The following CLEC2L variants were observed in gnomAD, a reference collection of about 807,000 sequenced individuals.
CLEC2L encodes C-type lectin domain family 2, member L.
A neutral mutation model predicts 23.6 loss-of-function variants in CLEC2L; 14 were observed. The observed-to-expected ratio is 0.59, with a 90% CI of 0.39 to 0.93. CLEC2L has a LOEUF of 0.93. Ranked by LOEUF, CLEC2L falls within the 40% of genes least tolerant of loss-of-function variation. CLEC2L has a pLI of 0.00. For synonymous variants in CLEC2L, 114 were observed against 121.3 expected (o/e 0.94, Z 0.40); for missense variants, 264 against 282.4 (o/e 0.93, Z 0.47).
At chr7:139,530,813 CAA>C (rs34317849) in intron 1 of CLEC2L, among the ~76,000 whole-genome samples, 5,487 of 80,754 alleles carry the variant, frequency 0.068, 98 homozygotes, top group South Asian at 0.13. Flanking sequence ...ACTCTTGTCT[CAA>C]AAAAAAAAAA....
chr7:139,531,870 A>G (rs1202333137), intron 1 of CLEC2L, among the ~76,000 whole-genome samples: 1 of 151,962 alleles, frequency 6.6e-6, no homozygotes, highest in Non-Finnish European at 1.5e-5. Flanking sequence ...AGATCATGCC[A>G]TGGCACTCCA....
rs1797721184 is a variant in CLEC2L at position 139,540,615 on chromosome 7, G to A, written c.432+128G>A. On this transcript the variant is annotated intron_variant, in intron 3 of 4. Coordinates refer to ENST00000422142, the MANE Select transcript of CLEC2L (RefSeq NM_001080511.4). The surrounding 1 kb of genome is among the most constrained non-coding windows in gnomAD (Gnocchi z 5.8). ...GACACGTCTCCAAAGCCGCCCACCT[G>A]CTGCATAACCACTTGGGGTGCAGGC... 1.9e-6 allele frequency: 2 copies of A among 1,054,416 alleles called. No individual in the cohort carries two copies. The highest frequency in any genetic ancestry group is 2.8e-6 in the Non-Finnish European group (2 of 711,822). 65.3% of individuals were successfully genotyped at this position (1,054,416 alleles called of 1,614,324 possible).
chr7:139,530,891 T>C (rs1797572646), intron 1 of CLEC2L, among the ~76,000 whole-genome samples: 1 of 150,112 alleles, frequency 6.7e-6, no homozygotes, highest in African/African-American at 2.5e-5. Context: ...AACATTTACA[T>C]ACTGAATGCT....
chr7:139,534,325 A>G, intron 1 of CLEC2L: 1 of 1,399,410 alleles, frequency 7.1e-7, no homozygotes, highest in Non-Finnish European at 1.0e-6. Flanking sequence ...GAATGAATGC[A>G]TGGAAGGCGT....
chr7:139,529,370 G>T (rs1037503743), intron 1 of CLEC2L, among the ~76,000 whole-genome samples: 2 of 152,188 alleles, frequency 1.3e-5, no homozygotes, highest in South Asian at 2.1e-4. Context: ...CTAGAAAATG[G>T]CAGAGCTAAG....
At chr7:139,534,530 G>A (rs77568749) in intron 1 of CLEC2L, 31,100 of 769,118 alleles carry the variant, frequency 0.04, 902 homozygotes, top group Non-Finnish European at 0.057. Context: ...CTTCTTCATC[G>A]GCAGGCTCAA....
At chr7:139,544,037 G>A in intron 4 of CLEC2L, among the ~76,000 whole-genome samples, 194 bp from the exon 5 acceptor site, 1 of 152,322 alleles carries the variant, frequency 6.6e-6, no homozygotes, top group Middle Eastern at 3.4e-3. Context: ...GGTGGCTGGA[G>A]CTACGGTGCA....
Position 139,544,338 on chromosome 7 carries a change from C to A in CLEC2L, c.641C>A (p.Thr214Asn), listed in dbSNP as rs754788188. 6 of 1,608,238 alleles carry A rather than the reference C, an allele frequency of 3.7e-6. No individual in the cohort carries two copies. The highest frequency in any genetic ancestry group is 4.3e-6 in the Non-Finnish European group (5 of 1,176,400). The stretch of plus-strand genomic sequence containing the variant: ...TGGGTGTGCAGCAAGATGGCCTATA[C>A]TTGAGGTGGGTGGGGCCAGAGGTGG... ...RPWVCSKMAY[T>N] Residue 214 changes from threonine to asparagine, a missense_variant, in exon 5 of 5, where the codon ACT becomes AAT. Transcript: ENST00000422142.
Position 139,533,648 on chromosome 7 carries a change from G to T in CLEC2L, c.191-2626G>T, listed in dbSNP as rs1366876452. Among the ~76,000 whole-genome samples the T allele has an allele frequency of 2.6e-5, 4 of 152,146 alleles. No individual in the cohort carries two copies. In the South Asian group the frequency reaches 6.2e-4, roughly 24 times the overall value. Reference sequence around the variant, plus strand: ...TGGGATTACAGGTGTGAGCCACTGCGCTCTGCACTATTATTTTTTAAATGA... The same window carrying T: ...TGGGATTACAGGTGTGAGCCACTGCTCTCTGCACTATTATTTTTTAAATGA... On this transcript the variant is annotated intron_variant, in intron 1 of 4. Coordinates refer to ENST00000422142, the MANE Select transcript of CLEC2L (RefSeq NM_001080511.4).
intron 1 of CLEC2L, among the ~76,000 whole-genome samples, chr7:139,529,001 T>C (rs1469748865): frequency 6.6e-6 from 1 of 152,214 alleles, no homozygotes; most frequent in Non-Finnish European, 1.5e-5. Flanking sequence ...GATGTTGTCA[T>C]TTGGTGTAAC....
intron 1 of CLEC2L, among the ~76,000 whole-genome samples, chr7:139,525,880 T>C (rs115699297): frequency 0.011 from 1,688 of 152,242 alleles, 24 homozygotes; most frequent in African/African-American, 0.038. Flanking sequence ...CACACCAAGC[T>C]GGAAGGTCAC....
intron 2 of CLEC2L, among the ~76,000 whole-genome samples, chr7:139,538,945 CT>C (rs958306003): frequency 2.6e-5 from 4 of 152,148 alleles, no homozygotes; most frequent in Non-Finnish European, 5.9e-5. Flanking sequence ...TTAGGAGATC[CT>C]TATGGAAAAG....
intron 1 of CLEC2L, among the ~76,000 whole-genome samples, chr7:139,528,157 C>T (rs1797531329): frequency 6.6e-6 from 1 of 151,990 alleles, no homozygotes; most frequent in Non-Finnish European, 1.5e-5. Flanking sequence ...TGTGTCCCTA[C>T]CAAAAAAGAG....
intron 1 of CLEC2L, chr7:139,534,305 A>G: frequency 1.4e-6 from 2 of 1,469,062 alleles, no homozygotes; most frequent in African/African-American, 1.4e-5. Context: ...TATGCTGACT[A>G]CGAATCTGTG....
intron 1 of CLEC2L, among the ~76,000 whole-genome samples, chr7:139,527,340 C>T (rs115179488): frequency 0.01 from 1,583 of 152,316 alleles, 30 homozygotes; most frequent in African/African-American, 0.036. Flanking sequence ...CCCACACACA[C>T]GCTCTCCTCC....
chr7:139,541,181 G>A (rs1289955115), intron 3 of CLEC2L, among the ~76,000 whole-genome samples: 3 of 151,372 alleles, frequency 2.0e-5, no homozygotes, highest in Admixed American at 6.6e-5. Flanking sequence ...GCTACTTTTT[G>A]TATTTTTAGT....
rs147654604 is a variant in CLEC2L at position 139,532,961 on chromosome 7, T to C, written c.191-3313T>C. On this transcript the variant is annotated intron_variant, in intron 1 of 4. Transcript: ENST00000422142. ...TCTCATCATGAAAGAGGCGTTTTGG[T>C]GTTGAAATAATGATACCCATACAGA... 7.9e-3 allele frequency among the ~76,000 whole-genome samples: 1,207 copies of C among 152,238 alleles called. 18 individuals carry two copies. Among genetic ancestry groups the C allele is most frequent in the African/African-American group, 0.026 (1,060 of 41,528 alleles).
intron 1 of CLEC2L, among the ~76,000 whole-genome samples, chr7:139,526,955 G>T (rs921943520): frequency 6.6e-5 from 10 of 152,336 alleles, no homozygotes; most frequent in African/African-American, 2.4e-4. Flanking sequence ...GGGGACCCAG[G>T]GTTATGCTGC....
chr7:139,529,999 T>G (rs1187595812), intron 1 of CLEC2L, among the ~76,000 whole-genome samples: 6 of 137,442 alleles, frequency 4.4e-5, no homozygotes, highest in Admixed American at 7.5e-5. Flanking sequence ...GCCTGGGAGG[T>G]GGATGTTGCA....
Sources: gnomAD v4.1 joint callset for allele counts (sites outside exome capture counted in the v4.1 genomes callset) on GRCh38, gnomAD v4.1.1 for gene constraint, Gnocchi (gnomAD v3.1) non-coding constraint, MANE v1.5 for transcripts, NCBI Gene and HGNC (gene_info 2026-07-23, HGNC 2026-07-21) for gene names.